The following EPHA6 variants were observed in gnomAD, a reference collection of about 807,000 sequenced individuals.
The protein encoded by EPHA6 is ephrin type-A receptor 6.
A neutral mutation model predicts 112.0 loss-of-function variants in EPHA6; 50 were observed. The ratio of observed to expected loss-of-function variants is 0.45; its 90% CI spans 0.36 to 0.56. EPHA6 has a LOEUF of 0.56. Among genes scored for constraint, EPHA6 ranks in the 20% least tolerant of loss-of-function variants. The pLI is 0.00. For synonymous variants in EPHA6, 529 were observed against 490.7 expected, an observed-to-expected ratio of 1.08 and a Z score of -1.03; for missense variants, 1,280 against 1,417.4, an observed-to-expected ratio of 0.90 and a Z score of 1.56.
intron 5 of EPHA6, 113 bp downstream of exon 5, chr3:97,244,400 C>G: frequency 1.2e-6 from 1 of 841,678 alleles, no homozygotes; most frequent in South Asian, 1.6e-5. Context: ...ACGTTATACA[C>G]TGCAGAGGTA....
At chr3:97,235,757 A>G (rs1364587627) in intron 4 of EPHA6, among the ~76,000 whole-genome samples, 1 of 152,108 alleles carries the variant, frequency 6.6e-6, no homozygotes, top group Non-Finnish European at 1.5e-5. Context: ...TCCAAGGTTC[A>G]GGCTTGGTCT....
At chr3:97,423,680 G>C (rs2088864421) in intron 6 of EPHA6, among the ~76,000 whole-genome samples, 1 of 151,998 alleles carries the variant, frequency 6.6e-6, no homozygotes, top group African/African-American at 2.4e-5. Flanking sequence ...CCAAAAAAGA[G>C]ACCAAATAGC....
chr3:97,290,507 T>C (rs1382583361), intron 5 of EPHA6, among the ~76,000 whole-genome samples: 1 of 152,164 alleles, frequency 6.6e-6, no homozygotes, highest in African/African-American at 2.4e-5. Context: ...TCTGCATTGG[T>C]GATCTAACTC....
chr3:97,144,608 A>G (rs1392879184), intron 3 of EPHA6, among the ~76,000 whole-genome samples: 1 of 151,386 alleles, frequency 6.6e-6, no homozygotes, highest in Non-Finnish European at 1.5e-5. Flanking sequence ...AATATTGTTC[A>G]CTGCTGGGAA....
chr3:96,917,630 C>T (rs894640038), intron 2 of EPHA6, among the ~76,000 whole-genome samples: 1 of 151,668 alleles, frequency 6.6e-6, no homozygotes, highest in Non-Finnish European at 1.5e-5. Flanking sequence ...TGAGAAAAAC[C>T]ACTGCGCTAA....
Position 97,373,435 on chromosome 3 carries a change from ATGTCTAAGT to A in EPHA6, c.1607-31713_1607-31705del, listed in dbSNP as rs2085176351. ...TTTCCACTGAGTCAAGTGGTTGAAAATGTCTAAGTTTCTAGCTACTGTGATTACATTCAA... is the reference window on the plus strand; with the variant it reads ...TTTCCACTGAGTCAAGTGGTTGAAAATTCTAGCTACTGTGATTACATTCAA... On this transcript the variant is annotated intron_variant, in intron 5 of 17. Transcript: ENST00000389672. Among the ~76,000 whole-genome samples, 3 of 151,690 alleles carry A rather than the reference ATGTCTAAGT, an allele frequency of 2.0e-5. No homozygotes were observed. The South Asian group carries it at 6.2e-4, about 31-fold the overall frequency.
chr3:97,497,246 T>C (rs532119735), intron 10 of EPHA6, among the ~76,000 whole-genome samples: 2 of 152,294 alleles, frequency 1.3e-5, no homozygotes, highest in African/African-American at 4.8e-5. Flanking sequence ...TCCACCAACC[T>C]TTCCTTCACG....
chr3:97,456,149 AC>A (rs2090677181), intron 7 of EPHA6, among the ~76,000 whole-genome samples: 1 of 152,152 alleles, frequency 6.6e-6, no homozygotes, highest in Admixed American at 6.5e-5. Context: ...TAAGGCAATA[AC>A]ATATAGCAAC....
Position 97,748,822 on chromosome 3 carries a change from C to A in EPHA6, c.*121C>A. The A allele has an allele frequency of 1.5e-6, 1 of 670,988 alleles. No individual in the cohort carries two copies. The highest frequency in any genetic ancestry group is 1.7e-5 in the South Asian group (1 of 60,512). 41.6% of individuals were successfully genotyped at this position (670,988 alleles called of 1,614,324 possible). ...CACAAACTGCAGTCTTCTGTTCAGA[C>A]TATAGGCACACACCTTATGTTTATG... On this transcript the variant is annotated 3_prime_UTR_variant, in exon 18 of 18. Coordinates refer to ENST00000389672, the MANE Select transcript of EPHA6 (RefSeq NM_001080448.3).
intron 5 of EPHA6, among the ~76,000 whole-genome samples, chr3:97,297,574 A>G (rs1362181493): frequency 6.6e-6 from 1 of 152,170 alleles, no homozygotes; most frequent in Non-Finnish European, 1.5e-5. Flanking sequence ...TGAAGGTCCC[A>G]GAAGGTAGAA....
At chr3:96,882,759 T>C (rs2037394278) in intron 2 of EPHA6, among the ~76,000 whole-genome samples, 1 of 148,780 alleles carries the variant, frequency 6.7e-6, no homozygotes. Flanking sequence ...TGTGTGTGTG[T>C]GTGTGTGTGT....
intron 5 of EPHA6, among the ~76,000 whole-genome samples, chr3:97,375,040 A>T (rs960847325): frequency 2.6e-5 from 4 of 152,134 alleles, no homozygotes; most frequent in African/African-American, 9.7e-5. Context: ...AACAAGGCAA[A>T]AATGGTTCTT....
chr3:96,854,075 T>C (rs2035550100), intron 1 of EPHA6, among the ~76,000 whole-genome samples: 1 of 151,870 alleles, frequency 6.6e-6, no homozygotes, highest in African/African-American at 2.4e-5. Flanking sequence ...CCTCACCTAC[T>C]CATAATTGTG....
intron 2 of EPHA6, among the ~76,000 whole-genome samples, chr3:96,928,116 C>T (rs1325069130): frequency 1.3e-5 from 2 of 152,210 alleles, no homozygotes; most frequent in African/African-American, 2.4e-5. Flanking sequence ...AGGTCCTTCC[C>T]TGGACATGTG....
intron 2 of EPHA6, among the ~76,000 whole-genome samples, chr3:96,913,207 CACA>C (rs2039314270): frequency 8.4e-6 from 1 of 119,214 alleles, no homozygotes; most frequent in Non-Finnish European, 1.7e-5. Flanking sequence ...CACACACACA[CACA>C]CACCACACAC....
chr3:96,873,857 G>A (rs2036784298), intron 2 of EPHA6, among the ~76,000 whole-genome samples: 1 of 152,078 alleles, frequency 6.6e-6, no homozygotes, highest in African/African-American at 2.4e-5. Context: ...TCATGAGTCT[G>A]TAAAAGAACT....
intron 3 of EPHA6, among the ~76,000 whole-genome samples, chr3:97,155,860 G>A (rs1264434382): frequency 6.6e-6 from 1 of 152,048 alleles, no homozygotes; most frequent in East Asian, 1.9e-4. Flanking sequence ...TGCCCCTGCA[G>A]CCACCTCTCC....
At chr3:97,180,844 C>T (rs946772940) in intron 3 of EPHA6, among the ~76,000 whole-genome samples, 8 of 152,116 alleles carry the variant, frequency 5.3e-5, no homozygotes, top group African/African-American at 1.9e-4. Flanking sequence ...TGCCAGCCCT[C>T]CCTTGGCTGT....
At chr3:97,359,827 C>A (rs569962907) in intron 5 of EPHA6, among the ~76,000 whole-genome samples, 3,574 of 152,046 alleles carry the variant, frequency 0.024, 131 homozygotes, top group African/African-American at 0.079. Context: ...GCGGTGTAAA[C>A]GTAAGGTCTT....
Sources: allele counts gnomAD v4.1 joint callset (sites outside exome capture counted in the v4.1 genomes callset), GRCh38; gene constraint gnomAD v4.1.1; transcripts MANE v1.5; gene names NCBI Gene and HGNC (gene_info 2026-07-23, HGNC 2026-07-21).